The following ASIC2 variants were observed in gnomAD, a reference collection of about 807,000 sequenced individuals.
ASIC2 encodes the protein acid-sensing ion channel 2.
Under a neutral mutation model 57.3 loss-of-function variants are expected in ASIC2, and 25 were observed. The observed-to-expected ratio is 0.44, with a 90% CI of 0.32 to 0.61. ASIC2 has a LOEUF of 0.61. ASIC2 is among the 20% of genes least tolerant of loss of function. The pLI, the probability that ASIC2 is intolerant of heterozygous loss-of-function variation, is 0.06. For missense variants in ASIC2, 641 were observed against 738.1 expected (o/e 0.87, Z 1.52); for synonymous variants, 319 against 307.5 (o/e 1.04, Z -0.39).
intron 1 of ASIC2, among the ~76,000 whole-genome samples, chr17:33,126,190 G>T (rs773992510): frequency 6.6e-6 from 1 of 152,222 alleles, no homozygotes; most frequent in Non-Finnish European, 1.5e-5. Context: ...ACGGACTCGT[G>T]AAGTGCAAGC....
chr17:33,440,168 C>T (rs1911775459), intron 1 of ASIC2, among the ~76,000 whole-genome samples: 1 of 152,180 alleles, frequency 6.6e-6, no homozygotes, highest in African/African-American at 2.4e-5. Flanking sequence ...CCACCCCCAG[C>T]CTTAGGCAAA....
At chr17:33,411,068 G>A (rs146182759) in intron 1 of ASIC2, among the ~76,000 whole-genome samples, 1 of 152,352 alleles carries the variant, frequency 6.6e-6, no homozygotes, top group East Asian at 1.9e-4. Flanking sequence ...AGGAAATGGT[G>A]AAAGAATATG....
chr17:33,870,477 G>A (rs890491753), intron 1 of ASIC2, among the ~76,000 whole-genome samples: 3 of 151,982 alleles, frequency 2.0e-5, no homozygotes, highest in Non-Finnish European at 2.9e-5. Flanking sequence ...CAGGCATTTA[G>A]AGGGTAGGAC....
chr17:33,338,793 C>G (rs941078533), intron 1 of ASIC2, among the ~76,000 whole-genome samples: 1 of 151,988 alleles, frequency 6.6e-6, no homozygotes, highest in Non-Finnish European at 1.5e-5. Flanking sequence ...TATAGATGAA[C>G]CTTAAGAACA....
chr17:33,262,100 G>A lies in ASIC2; in HGVS notation c.708+29308C>T, dbSNP rs538838672. Reference sequence around the variant, plus strand: ...TTCCTTTGAACAGTCTGTGCTCGGCGCCATGTAGGCTCCACTGAGCCATGA... The same window carrying A: ...TTCCTTTGAACAGTCTGTGCTCGGCACCATGTAGGCTCCACTGAGCCATGA... On this transcript the variant is annotated intron_variant, in intron 1 of 9. Transcript: ENST00000225823. Among the ~76,000 whole-genome samples the A allele has an allele frequency of 5.3e-5, 8 of 152,302 alleles. No homozygotes were observed. The East Asian group carries it at 7.7e-4, about 15-fold the overall frequency.
At chr17:33,109,206 G>A (rs1387455364) in intron 2 of ASIC2, among the ~76,000 whole-genome samples, 1 of 152,126 alleles carries the variant, frequency 6.6e-6, no homozygotes, top group East Asian at 1.9e-4. Context: ...ACTTATTCAT[G>A]TAAGCAAACA....
chr17:33,528,186 G>GTGTGTGTGTGTGT (rs1567640142), intron 1 of ASIC2, among the ~76,000 whole-genome samples: 2 of 151,748 alleles, frequency 1.3e-5, no homozygotes, highest in South Asian at 2.1e-4. Context: ...GTGTGTGTGT[G>GTGTGTGTGTGTGT]GTTTCCAGCT....
intron 3 of ASIC2, among the ~76,000 whole-genome samples, chr17:33,046,828 C>T (rs573920433): frequency 3.9e-5 from 6 of 152,372 alleles, no homozygotes; most frequent in African/African-American, 1.2e-4. Flanking sequence ...GACAACTCCA[C>T]GCCCAACACT....
intron 1 of ASIC2, among the ~76,000 whole-genome samples, chr17:33,492,590 C>A (rs909906644): frequency 1.3e-5 from 2 of 152,182 alleles, no homozygotes; most frequent in East Asian, 1.9e-4. Flanking sequence ...GTGAACATAC[C>A]TTTCCTTCCT....
intron 1 of ASIC2, among the ~76,000 whole-genome samples, chr17:33,320,269 G>T (rs1471325018): frequency 6.6e-6 from 1 of 152,140 alleles, no homozygotes; most frequent in Non-Finnish European, 1.5e-5. Context: ...GAGAAGCTCT[G>T]TTACTGTCTT....
chr17:33,851,896 T>C (rs976403169), intron 1 of ASIC2, among the ~76,000 whole-genome samples: 1 of 152,224 alleles, frequency 6.6e-6, no homozygotes, highest in Non-Finnish European at 1.5e-5. Flanking sequence ...CATAGAGTAA[T>C]TGAAAAGAAC....
chr17:34,091,112 G>A (rs1248281580), intron 1 of ASIC2, among the ~76,000 whole-genome samples: 1 of 152,188 alleles, frequency 6.6e-6, no homozygotes, highest in Non-Finnish European at 1.5e-5. Context: ...ATTCTTCAAT[G>A]AGATACCAAC....
At chr17:33,828,290 C>G (rs1173951739) in intron 1 of ASIC2, 2 of 152,172 alleles carry the variant, frequency 1.3e-5, no homozygotes, top group Admixed American at 6.5e-5. Flanking sequence ...ATATAGTGCT[C>G]TGTAATCTTG....
At chr17:33,054,021 C>A (rs1175432083) in intron 3 of ASIC2, among the ~76,000 whole-genome samples, 1 of 152,048 alleles carries the variant, frequency 6.6e-6, no homozygotes, top group African/African-American at 2.4e-5. Flanking sequence ...CCGCACCTAC[C>A]TTTGCTCTCC....
At chr17:34,144,268 A>G (rs372879287) in intron 1 of ASIC2, among the ~76,000 whole-genome samples, 118 of 152,324 alleles carry the variant, frequency 7.7e-4, no homozygotes, top group African/African-American at 2.7e-3. Context: ...GCCATTATTA[A>G]CAGGTTTTGT....
intron 1 of ASIC2, among the ~76,000 whole-genome samples, chr17:33,616,585 T>C (rs915441416): frequency 2.0e-5 from 3 of 152,232 alleles, no homozygotes; most frequent in African/African-American, 7.2e-5. Context: ...TCTCATTCTC[T>C]TCATCTCACT....
At chr17:34,042,380 A>G (rs78447169) in intron 1 of ASIC2, among the ~76,000 whole-genome samples, 3,501 of 152,296 alleles carry the variant, frequency 0.023, 143 homozygotes, top group African/African-American at 0.079. Flanking sequence ...ATAAAAAAGA[A>G]CAAATAATTA....
intron 1 of ASIC2, among the ~76,000 whole-genome samples, chr17:33,368,024 C>T (rs1407358930): frequency 6.6e-6 from 1 of 152,152 alleles, no homozygotes; most frequent in East Asian, 1.9e-4. Flanking sequence ...ACTATATTTT[C>T]CAAAATGGAC....
intron 1 of ASIC2, among the ~76,000 whole-genome samples, chr17:33,706,951 A>G (rs1908881494): frequency 6.6e-6 from 1 of 152,224 alleles, no homozygotes; most frequent in Non-Finnish European, 1.5e-5. Context: ...TAAAATGAAG[A>G]TTCAAAATTC....
Sources: gnomAD v4.1 joint callset for allele counts (sites outside exome capture counted in the v4.1 genomes callset) on GRCh38, gnomAD v4.1.1 for gene constraint, MANE v1.5 for transcripts, NCBI Gene and HGNC (gene_info 2026-07-23, HGNC 2026-07-21) for gene names.